The following NAALADL2 variants were observed in gnomAD, a reference collection of about 807,000 sequenced individuals.
NAALADL2 encodes inactive N-acetylated-alpha-linked acidic dipeptidase-like protein 2.
In NAALADL2, 76 loss-of-function variants were observed where a neutral mutation model predicts 87.2. The observed-to-expected ratio is 0.87, with a 90% CI of 0.72 to 1.05. The LOEUF (loss-of-function observed/expected upper bound fraction) is 1.05, where lower values mean the gene tolerates loss of function less well. Ranked by LOEUF, NAALADL2 falls within the 50% of genes least tolerant of loss-of-function variation. The probability of loss-of-function intolerance (pLI) is 0.00; values close to 1 mark genes in which losing one functional copy is unlikely to be tolerated. For missense variants in NAALADL2, 1,089 were observed against 945.8 expected, an observed-to-expected ratio of 1.15 and a Z score of -1.99; for synonymous variants, 354 against 331.0, an observed-to-expected ratio of 1.07 and a Z score of -0.75.
At chr3:175,485,043 T>C (rs1052347663) in intron 9 of NAALADL2, among the ~76,000 whole-genome samples, 12 of 152,138 alleles carry the variant, frequency 7.9e-5, no homozygotes, top group Non-Finnish European at 1.3e-4. Flanking sequence ...TGAATGTATA[T>C]CTAGAAAAAG....
intron 1 of NAALADL2, among the ~76,000 whole-genome samples, chr3:174,549,878 A>G (rs919742389): frequency 2.0e-5 from 3 of 152,068 alleles, no homozygotes; most frequent in Non-Finnish European, 2.9e-5. Context: ...CATTTATTCC[A>G]TAACAGTGGT....
chr3:174,490,618 G>A (rs370683435), intron 1 of NAALADL2, among the ~76,000 whole-genome samples: 5 of 152,130 alleles, frequency 3.3e-5, no homozygotes, highest in East Asian at 3.9e-4. Flanking sequence ...AAATGAAAGC[G>A]GCAGTGTATA....
At chr3:174,590,767 C>A (rs937049590) in intron 2 of NAALADL2, among the ~76,000 whole-genome samples, 1 of 151,498 alleles carries the variant, frequency 6.6e-6, no homozygotes, top group African/African-American at 2.4e-5. Flanking sequence ...TCTCATAGTT[C>A]TTTAGTTTGT....
chr3:174,912,990 C>T (rs559368089), intron 1 of NAALADL2, among the ~76,000 whole-genome samples: 6 of 152,240 alleles, frequency 3.9e-5, no homozygotes, highest in Non-Finnish European at 7.3e-5. Context: ...CTAAAATACA[C>T]ATATTTCCAC....
At chr3:174,970,196 T>A (rs753857520) in intron 1 of NAALADL2, among the ~76,000 whole-genome samples, 1 of 152,202 alleles carries the variant, frequency 6.6e-6, no homozygotes, top group Non-Finnish European at 1.5e-5. Flanking sequence ...ATTATTCAGT[T>A]TCATACAGGA....
intron 9 of NAALADL2, among the ~76,000 whole-genome samples, chr3:175,574,634 T>C (rs1336467321): frequency 6.6e-6 from 1 of 152,144 alleles, no homozygotes. Context: ...TTTCCAAGAA[T>C]GGAAAAAGCT....
intron 1 of NAALADL2, among the ~76,000 whole-genome samples, chr3:175,034,016 GT>G (rs1753105789): frequency 6.6e-6 from 1 of 152,040 alleles, no homozygotes; most frequent in South Asian, 2.1e-4. Flanking sequence ...AGTCTTCTCC[GT>G]TTCAGAATAT....
intron 2 of NAALADL2, among the ~76,000 whole-genome samples, chr3:175,163,724 G>C (rs1235871053): frequency 6.6e-6 from 1 of 152,064 alleles, no homozygotes; most frequent in Non-Finnish European, 1.5e-5. Context: ...CAATTCATCT[G>C]TTTGGCCCCA....
At chr3:175,417,116 A>AG (rs1202126411) in intron 5 of NAALADL2, among the ~76,000 whole-genome samples, 1 of 109,346 alleles carries the variant, frequency 9.1e-6, no homozygotes, top group African/African-American at 3.1e-5. Flanking sequence ...GGAAGAGAAA[A>AG]GAAAAAAAAA....
chr3:174,651,476 A>G (rs938576946), intron 2 of NAALADL2, among the ~76,000 whole-genome samples: 12 of 152,240 alleles, frequency 7.9e-5, no homozygotes, highest in African/African-American at 2.9e-4. Flanking sequence ...AGCATCTTTT[A>G]CTAATAATTC....
Position 175,324,267 on chromosome 3 carries a change from C to A in NAALADL2, c.1032C>A (p.Thr344=), listed in dbSNP as rs757895471. The part of the protein sequence containing the change: ...LPKTVNPSHD[T]FMVSLNPGGD... ...AGACTGTGAATCCTAGCCATGATAC[C>A]TTCATGGTGTCACTGAATCCAGGAG... is the stretch of plus-strand genomic sequence containing the variant. The change falls in exon 5 of 14, where the codon ACC becomes ACA. Residue 344 remains threonine, a synonymous_variant. Transcript: ENST00000454872. 1 of 1,612,792 alleles carries A rather than the reference C, an allele frequency of 6.2e-7. No homozygotes were observed. Among genetic ancestry groups the A allele is most frequent in the South Asian group, 1.1e-5 (1 of 91,048 alleles).
chr3:175,459,912 C>T, intron 6 of NAALADL2: 1 of 302,282 alleles, frequency 3.3e-6, no homozygotes. Context: ...TCTCTGTATT[C>T]TTTTCACTTA....
intron 11 of NAALADL2, among the ~76,000 whole-genome samples, chr3:175,659,578 T>G (rs1451969728): frequency 2.0e-5 from 3 of 152,204 alleles, no homozygotes; most frequent in Non-Finnish European, 2.9e-5. Context: ...AAGTAGGTCT[T>G]GATGATAAGT....
At chr3:175,482,219 A>G (rs1344518331) in intron 9 of NAALADL2, among the ~76,000 whole-genome samples, 5 of 151,992 alleles carry the variant, frequency 3.3e-5, no homozygotes, top group African/African-American at 4.8e-5. Context: ...TAAAATTACT[A>G]TAATTTTATA....
chr3:174,840,849 G>C (rs907886214), intron 3 of NAALADL2, among the ~76,000 whole-genome samples: 13 of 152,050 alleles, frequency 8.5e-5, no homozygotes, highest in Non-Finnish European at 1.8e-4. Flanking sequence ...TTGGGGGAAG[G>C]CTGGATACTT....
intron 9 of NAALADL2, among the ~76,000 whole-genome samples, chr3:175,505,291 T>C (rs936954654): frequency 3.3e-5 from 5 of 149,476 alleles, no homozygotes; most frequent in African/African-American, 1.2e-4. Flanking sequence ...AGAGTCTGCC[T>C]GAAGACAGAG....
intron 4 of NAALADL2, among the ~76,000 whole-genome samples, chr3:175,288,175 G>A (rs997624874): frequency 6.6e-5 from 10 of 151,888 alleles, no homozygotes; most frequent in African/African-American, 2.2e-4. Flanking sequence ...TCTGCCTCCC[G>A]GGTTCAAGCA....
chr3:175,494,256 A>G (rs528666539), intron 9 of NAALADL2, among the ~76,000 whole-genome samples: 7 of 152,148 alleles, frequency 4.6e-5, no homozygotes, highest in Admixed American at 1.3e-4. Context: ...ATAATTTGTG[A>G]TGTCTACATA....
At position 175,293,461 on chromosome 3, in the gene NAALADL2, C is replaced by T. The variant is rs140197230; in HGVS notation, c.940-30714C>T. On this transcript the variant is annotated intron_variant, in intron 4 of 13. Transcript: ENST00000454872. ...TGGGCAAACTGTTTTTTCTTCTGAG[C>T]ATATATAAATATTTTCCAAACAGTA... Among the ~76,000 whole-genome samples, 22 of 152,270 alleles carry T rather than the reference C, an allele frequency of 1.4e-4. 1 individual carries two copies. The East Asian group carries it at 1.5e-3, about 11-fold the overall frequency.
Sources: allele counts gnomAD v4.1 joint callset (sites outside exome capture counted in the v4.1 genomes callset), GRCh38; gene constraint gnomAD v4.1.1; transcripts MANE v1.5; gene names NCBI Gene and HGNC (gene_info 2026-07-23, HGNC 2026-07-21).